NDFIP1: variants seen among roughly 807,000 people sequenced by gnomAD.
NDFIP1 encodes the protein NEDD4 family-interacting protein 1.
A neutral mutation model predicts 28.8 loss-of-function variants in NDFIP1; 7 were observed. That is an observed-to-expected ratio of 0.24 (90% confidence interval 0.14 to 0.46). The LOEUF is 0.46. Among genes scored for constraint, NDFIP1 ranks in the 20% least tolerant of loss-of-function variants. NDFIP1 has a pLI of 0.99. For missense variants in NDFIP1, 194 were observed against 269.1 expected (o/e 0.72, Z 1.95); for synonymous variants, 92 against 101.0 (o/e 0.91, Z 0.53).
intron 1 of NDFIP1, among the ~76,000 whole-genome samples, chr5:142,120,734 G>A (rs781776300): frequency 4.6e-5 from 7 of 152,214 alleles, no homozygotes; most frequent in Non-Finnish European, 8.8e-5. Flanking sequence ...ATCAGTTGTG[G>A]CCTGACACAT....
chr5:142,136,562 C>T (rs1361797318), intron 4 of NDFIP1, among the ~76,000 whole-genome samples: 2 of 147,680 alleles, frequency 1.4e-5, no homozygotes, highest in African/African-American at 4.9e-5. Context: ...CGAGACCAGC[C>T]TGGCCACCAT....
chr5:142,108,857 C>CGGTGCTTACAGCCTGAGAAGAGCGTCT lies in NDFIP1; in HGVS notation c.-118_-117insGGTGCTTACAGCCTGAGAAGAGCGTCT. ...GCGTCTCGCCCGGGAGCGGCGGCGG[C>CGGTGCTTACAGCCTGAGAAGAGCGTCT]CATCGAGACCCACCCAAGGCGCGTC... is the stretch of plus-strand genomic sequence containing the variant. On this transcript the variant is annotated 5_prime_UTR_variant, in exon 1 of 8. Transcript: ENST00000253814. The CGGTGCTTACAGCCTGAGAAGAGCGTCT allele has an allele frequency of 2.4e-6, 2 of 835,758 alleles. No homozygotes were observed. The highest frequency in any genetic ancestry group is 3.3e-6 in the Non-Finnish European group (2 of 608,252). The allele number at this position is 835,758 out of a possible 1,614,324, so 51.8% of individuals were successfully genotyped here.
intron 7 of NDFIP1, among the ~76,000 whole-genome samples, chr5:142,150,310 G>A (rs543616365): frequency 1.4e-4 from 21 of 151,066 alleles, no homozygotes; most frequent in Non-Finnish European, 2.4e-4. Context: ...CTTCTGCTTG[G>A]CTTTTAGAGT....
chr5:142,116,322 A>C (rs1015079992), intron 1 of NDFIP1, among the ~76,000 whole-genome samples: 1 of 139,262 alleles, frequency 7.2e-6, no homozygotes, highest in African/African-American at 2.7e-5. Flanking sequence ...TTATTTATTT[A>C]TTTCCTTCCT....
intron 1 of NDFIP1, among the ~76,000 whole-genome samples, chr5:142,115,561 A>T (rs1036502050): frequency 2.0e-5 from 3 of 152,198 alleles, no homozygotes; most frequent in Admixed American, 6.5e-5. Flanking sequence ...CTGGGATTAC[A>T]GGTGTGAGCC....
chr5:142,108,821 G>C lies in NDFIP1; in HGVS notation c.-154G>C, dbSNP rs907160095. On this transcript the variant is annotated 5_prime_UTR_variant, in exon 1 of 8. Transcript: ENST00000253814. ...CTCGGCGGCGGCGGCGGTGCTTACAGCCTGAGAAGAGCGTCTCGCCCGGGA... is the reference window on the plus strand; with the variant it reads ...CTCGGCGGCGGCGGCGGTGCTTACACCCTGAGAAGAGCGTCTCGCCCGGGA... 3.2e-5 allele frequency: 18 copies of C among 564,976 alleles called. No homozygotes were observed. The highest frequency in any genetic ancestry group is 4.7e-5 in the Non-Finnish European group (17 of 363,150). 35.0% of individuals were successfully genotyped at this position (564,976 alleles called of 1,614,324 possible). A position where few individuals can be genotyped will look rare whatever the true frequency, so the allele number is the denominator to read the frequency against.
chr5:142,144,680 T>C lies in NDFIP1; in HGVS notation c.*2+4T>C. The C allele has an allele frequency of 6.4e-7, 1 of 1,568,070 alleles. No homozygotes were observed. On this transcript the variant is annotated splice_donor_region_variant and intron_variant, in intron 7 of 7. Transcript: ENST00000253814. ...GAGTTCTCTTTATTTATTAAAGGTA[T>C]TAAAGAAAAAATTTATTCTAGTCCC...
chr5:142,117,251 T>C (rs148163929), intron 1 of NDFIP1, among the ~76,000 whole-genome samples: 16,106 of 150,450 alleles, frequency 0.11, 1,186 homozygotes, highest in East Asian at 0.36. Flanking sequence ...TTTTTGCTTT[T>C]TTTTTTTTTT....
chr5:142,141,551 T>A (rs1757332410), intron 6 of NDFIP1, among the ~76,000 whole-genome samples: 3 of 152,066 alleles, frequency 2.0e-5, no homozygotes, highest in Admixed American at 1.3e-4. Flanking sequence ...AGATGAACAT[T>A]GGAGTAAATT....
At chr5:142,122,176 C>T (rs577506248) in intron 1 of NDFIP1, among the ~76,000 whole-genome samples, 2 of 152,342 alleles carry the variant, frequency 1.3e-5, no homozygotes, top group African/African-American at 2.4e-5. Context: ...CAAAAGATCC[C>T]TTCAGTGCCT....
intron 1 of NDFIP1, among the ~76,000 whole-genome samples, chr5:142,120,009 G>GC (rs1757106538): frequency 6.6e-6 from 1 of 152,200 alleles, no homozygotes; most frequent in East Asian, 1.9e-4. Context: ...AGGCTGGAGT[G>GC]CAGTGGTGCC....
intron 1 of NDFIP1, among the ~76,000 whole-genome samples, chr5:142,117,856 T>C (rs1757085652): frequency 6.6e-6 from 1 of 151,680 alleles, no homozygotes; most frequent in Admixed American, 6.6e-5. Flanking sequence ...GCTTTAAATG[T>C]TTTTTAAATA....
intron 3 of NDFIP1, among the ~76,000 whole-genome samples, chr5:142,134,743 A>G (rs985989938): frequency 6.6e-6 from 1 of 152,206 alleles, no homozygotes; most frequent in African/African-American, 2.4e-5. Context: ...GATAGCCCAC[A>G]TGTGTTGGTA....
intron 4 of NDFIP1, among the ~76,000 whole-genome samples, chr5:142,136,722 T>TCCAGC (rs1414791304): frequency 1.7e-5 from 2 of 120,544 alleles, no homozygotes; most frequent in African/African-American, 6.6e-5. Flanking sequence ...ACCATTGCAC[T>TCCAGC]CTAGCCTGGG....
chr5:142,118,088 T>C (rs1757087989), intron 1 of NDFIP1, among the ~76,000 whole-genome samples: 2 of 152,136 alleles, frequency 1.3e-5, no homozygotes, highest in Non-Finnish European at 1.5e-5. Flanking sequence ...AGTTTCCATA[T>C]GCCCTATGCC....
chr5:142,142,381 G>GAAA (rs1757340822), intron 6 of NDFIP1, among the ~76,000 whole-genome samples: 2 of 152,166 alleles, frequency 1.3e-5, no homozygotes, highest in African/African-American at 4.8e-5. Flanking sequence ...TAATTTAGAA[G>GAAA]AAATAGTTCC....
At chr5:142,126,521 T>C (rs2126915287) in intron 1 of NDFIP1, among the ~76,000 whole-genome samples, 1 of 152,298 alleles carries the variant, frequency 6.6e-6, no homozygotes, top group African/African-American at 2.4e-5. Flanking sequence ...ATTTTTCACG[T>C]GCTTTGTTTG....
At position 142,124,271 on chromosome 5, in the gene NDFIP1, A is replaced by G. The variant is rs187443420; in HGVS notation, c.64-7537A>G. The stretch of plus-strand genomic sequence containing the variant: ...CCCAAAACCTTGCAGTGCTACTACC[A>G]TAACCATGGTTGGCTAATTAGTGCC... On this transcript the variant is annotated intron_variant, in intron 1 of 7. Coordinates refer to ENST00000253814, the MANE Select transcript of NDFIP1 (RefSeq NM_030571.4). 5.6e-3 allele frequency among the ~76,000 whole-genome samples: 850 copies of G among 152,300 alleles called. 5 individuals carry two copies. The highest frequency in any genetic ancestry group is 8.4e-3 in the Admixed American group (129 of 15,302).
intron 1 of NDFIP1, among the ~76,000 whole-genome samples, chr5:142,112,533 A>T (rs1171953519): frequency 1.2e-5 from 1 of 86,394 alleles, no homozygotes; most frequent in Non-Finnish European, 2.2e-5. Flanking sequence ...AGACTGTCTT[A>T]AAAAAAAAAA....
Sources: allele counts gnomAD v4.1 joint callset (sites outside exome capture counted in the v4.1 genomes callset), GRCh38; gene constraint gnomAD v4.1.1; transcripts MANE v1.5; gene names NCBI Gene and HGNC (gene_info 2026-07-23, HGNC 2026-07-21).